Variants in ZC3H12B observed in about 807,000 individuals in gnomAD.
ZC3H12B encodes probable ribonuclease ZC3H12B.
Under a neutral mutation model 43.9 loss-of-function variants are expected in ZC3H12B, and 7 were observed. The observed-to-expected ratio is 0.16, with a 90% CI of 0.09 to 0.30. The LOEUF is 0.30. Ranked by LOEUF, ZC3H12B falls within the 10% of genes least tolerant of loss-of-function variation. The pLI is 1.00. For missense variants in ZC3H12B, 475 were observed against 670.2 expected (o/e 0.71, Z 3.22); for synonymous variants, 222 against 241.7 (o/e 0.92, Z 0.76).
chrX:65,261,629 T>C, the ZC3H12B span, among the ~76,000 whole-genome samples: 1 of 111,002 alleles, frequency 9.0e-6, no homozygotes, highest in Admixed American at 9.6e-5. Flanking sequence ...TTAATATTTA[T>C]TAGGAAAAAT....
chrX:65,197,536 T>G, the ZC3H12B span, among the ~76,000 whole-genome samples: 1 of 112,234 alleles, frequency 8.9e-6, no homozygotes. Flanking sequence ...AAGGACTAAT[T>G]AAAAGCAAAC....
At chrX:65,215,137 A>G in the ZC3H12B span, among the ~76,000 whole-genome samples, 3 of 112,029 alleles carry the variant, frequency 2.7e-5, no homozygotes, top group African/African-American at 9.7e-5. Context: ...GCACATGTGG[A>G]GTAAATTTGG....
the ZC3H12B span, among the ~76,000 whole-genome samples, chrX:65,096,658 C>A: frequency 9.0e-6 from 1 of 111,283 alleles, no homozygotes; most frequent in Non-Finnish European, 1.9e-5. Context: ...ATTTTTTGGC[C>A]TTTTGGCTAA....
At chrX:65,174,943 A>G in the ZC3H12B span, among the ~76,000 whole-genome samples, 1 of 109,146 alleles carries the variant, frequency 9.2e-6, no homozygotes, top group Non-Finnish European at 1.9e-5. Context: ...AACAAACAAA[A>G]AAAAAAAACT....
At chrX:65,348,068 C>T in the ZC3H12B span, among the ~76,000 whole-genome samples, 205 of 108,988 alleles carry the variant, frequency 1.9e-3, no homozygotes, top group Non-Finnish European at 3.1e-3. Flanking sequence ...GAATATCACA[C>T]ACCGGGGCCT....
At chrX:65,254,855 T>C in the ZC3H12B span, among the ~76,000 whole-genome samples, 2 of 111,362 alleles carry the variant, frequency 1.8e-5, no homozygotes, top group South Asian at 3.8e-4. Flanking sequence ...ATGACCGTTT[T>C]AGGAAAAAAC....
At chrX:65,363,447 A>T (rs1443657136), upstream of ZC3H12B, among the ~76,000 whole-genome samples, 1 of 111,805 alleles carries the variant, frequency 8.9e-6, no homozygotes, top group Non-Finnish European at 1.9e-5. Context: ...ACCTTTGGAT[A>T]CCTAACAAAA....
the ZC3H12B span, among the ~76,000 whole-genome samples, chrX:65,361,455 T>TTGGAACATA: frequency 8.9e-6 from 1 of 112,426 alleles, no homozygotes; most frequent in Admixed American, 9.5e-5. Context: ...TGCCTTCAAA[T>TTGGAACATA]TGGAACATAT....
the ZC3H12B span, among the ~76,000 whole-genome samples, chrX:65,122,184 T>G: frequency 9.0e-6 from 1 of 111,214 alleles, no homozygotes; most frequent in African/African-American, 3.3e-5. Context: ...AGAGCTGAGT[T>G]CAATTCAAGA....
chrX:65,119,426 C>T, the ZC3H12B span, among the ~76,000 whole-genome samples: 18 of 112,003 alleles, frequency 1.6e-4, no homozygotes, highest in South Asian at 5.2e-3. Flanking sequence ...TTTCATGTCT[C>T]TGTTGGCTGC....
At chrX:65,270,164 G>GT in the ZC3H12B span, among the ~76,000 whole-genome samples, 1 of 111,408 alleles carries the variant, frequency 9.0e-6, no homozygotes, top group African/African-American at 3.3e-5. Context: ...AAATAGTATG[G>GT]TACTGGCATA....
At chrX:65,291,228 A>T in the ZC3H12B span, among the ~76,000 whole-genome samples, 4 of 111,670 alleles carry the variant, frequency 3.6e-5, no homozygotes, top group South Asian at 1.1e-3. Context: ...CTATGTAAAC[A>T]GTATGGAAAT....
chrX:65,163,075 A>G, the ZC3H12B span, among the ~76,000 whole-genome samples: 1 of 111,313 alleles, frequency 9.0e-6, no homozygotes, highest in African/African-American at 3.3e-5. Context: ...GTGGCTGCAG[A>G]ACAGCGGATT....
upstream of ZC3H12B, among the ~76,000 whole-genome samples, chrX:65,365,993 A>G (rs754674467): frequency 2.7e-5 from 3 of 110,835 alleles, no homozygotes; most frequent in East Asian, 8.6e-4. Flanking sequence ...AAACTGAATG[A>G]AGCTAATTTC....
At chrX:65,157,973 C>A in the ZC3H12B span, among the ~76,000 whole-genome samples, 2 of 91,834 alleles carry the variant, frequency 2.2e-5, no homozygotes, top group African/African-American at 7.6e-5. Context: ...CTTCCTGTGG[C>A]CATGTGTTCT....
chrX:65,190,115 C>T, the ZC3H12B span, among the ~76,000 whole-genome samples: 20 of 110,210 alleles, frequency 1.8e-4, no homozygotes, highest in Non-Finnish European at 2.8e-4. Flanking sequence ...TGTGGGTATG[C>T]GGCATTATTT....
chrX:65,260,598 T>C, the ZC3H12B span, among the ~76,000 whole-genome samples: 1 of 111,942 alleles, frequency 8.9e-6, no homozygotes, highest in Admixed American at 9.5e-5. Context: ...GAATAACAGA[T>C]ATTGGTGAGG....
chrX:65,307,679 T>C, the ZC3H12B span, among the ~76,000 whole-genome samples: 1 of 110,979 alleles, frequency 9.0e-6, no homozygotes, highest in Non-Finnish European at 1.9e-5. Flanking sequence ...ATATGTGTAG[T>C]CCAAAAAAAG....
chrX:65,411,343 T>G (rs2148067413), intron 3 of ZC3H12B, among the ~76,000 whole-genome samples: 1 of 111,968 alleles, frequency 8.9e-6, no homozygotes, highest in African/African-American at 3.2e-5. Flanking sequence ...AAAATATAGT[T>G]AGAAAGAATG....
Sources: gnomAD v4.1 joint callset for allele counts (sites outside exome capture counted in the v4.1 genomes callset) on GRCh38, gnomAD v4.1.1 for gene constraint, MANE v1.5 for transcripts, NCBI Gene and HGNC (gene_info 2026-07-23, HGNC 2026-07-21) for gene names.